Variants in NUCB1 observed in about 807,000 individuals in gnomAD.
The protein encoded by NUCB1 is nucleobindin 1, also known as nucleobindin-1.
Under a neutral mutation model 61.2 loss-of-function variants are expected in NUCB1, and 47 were observed. The ratio of observed to expected loss-of-function variants is 0.77; its 90% CI spans 0.61 to 0.98. The LOEUF is 0.98. Among genes scored for constraint, NUCB1 ranks in the 50% least tolerant of loss-of-function variants. The probability of loss-of-function intolerance (pLI) is 0.00; values close to 1 mark genes in which losing one functional copy is unlikely to be tolerated. For missense variants in NUCB1, 583 were observed against 605.3 expected (o/e 0.96, Z 0.39); for synonymous variants, 234 against 243.1 (o/e 0.96, Z 0.35).
intron 7 of NUCB1, 91 bp downstream of exon 7, chr19:48,913,655 G>A: frequency 9.2e-7 from 1 of 1,092,818 alleles, no homozygotes; most frequent in African/African-American, 1.5e-5. Flanking sequence ...GTCTGTCCCA[G>A]GAGGGCTTAG....
At chr19:48,906,236 A>G (rs1395313014) in intron 4 of NUCB1, among the ~76,000 whole-genome samples, 10 of 151,908 alleles carry the variant, frequency 6.6e-5, no homozygotes, top group Admixed American at 6.6e-4. Flanking sequence ...GAAACCCCAT[A>G]TCTGCTAAAA....
intron 5 of NUCB1, 100 bp downstream of exon 5, chr19:48,911,352 G>T: frequency 1.3e-6 from 1 of 785,940 alleles, no homozygotes; most frequent in South Asian, 1.5e-5. Context: ...CATTCCTGCT[G>T]GTGTTCTCTG....
At chr19:48,921,006 C>T in intron 10 of NUCB1, 148 bp from the exon 11 acceptor site, 2 of 754,326 alleles carry the variant, frequency 2.7e-6, no homozygotes, top group South Asian at 4.0e-5. Context: ...TTATCCCACT[C>T]CCACCTCCCA....
chr19:48,909,986 T>C (rs563253213), intron 4 of NUCB1, among the ~76,000 whole-genome samples: 3 of 152,310 alleles, frequency 2.0e-5, no homozygotes, highest in East Asian at 1.9e-4. Context: ...GACTTCAACA[T>C]AGAAACTTAG....
chr19:48,917,431 C>A (rs938219050), intron 7 of NUCB1, among the ~76,000 whole-genome samples: 8 of 151,842 alleles, frequency 5.3e-5, no homozygotes, highest in African/African-American at 1.9e-4. Context: ...TCAAGTGATT[C>A]TTCCACCTCA....
intron 4 of NUCB1, among the ~76,000 whole-genome samples, chr19:48,909,217 A>G (rs947383872): frequency 2.7e-5 from 4 of 147,448 alleles, no homozygotes; most frequent in South Asian, 2.2e-4. Flanking sequence ...TTCTCCTTCC[A>G]TTATTATTTT....
At chr19:48,900,521 G>A in intron 1 of NUCB1, 149 bp downstream of exon 1, 1 of 540,824 alleles carries the variant, frequency 1.8e-6, no homozygotes, top group Non-Finnish European at 3.3e-6. Flanking sequence ...TCTTGGGTCT[G>A]GGGGAGGAGG....
intron 7 of NUCB1, 200 bp from the exon 8 acceptor site, chr19:48,918,526 C>G (rs2037565874): frequency 1.7e-6 from 1 of 604,290 alleles, no homozygotes; most frequent in Non-Finnish European, 3.0e-6. Context: ...CCATTCTCAA[C>G]CCCCTGGTCG....
At chr19:48,901,991 T>C (rs1180889964) in intron 2 of NUCB1, among the ~76,000 whole-genome samples, 1 of 152,192 alleles carries the variant, frequency 6.6e-6, no homozygotes, top group Non-Finnish European at 1.5e-5. Context: ...TGCATAGTTG[T>C]TAGGGCCCAG....
At chr19:48,909,907 C>G (rs1318617175) in intron 4 of NUCB1, among the ~76,000 whole-genome samples, 4 of 152,024 alleles carry the variant, frequency 2.6e-5, no homozygotes, top group Non-Finnish European at 4.4e-5. Context: ...ATGACCTCAT[C>G]TTAACCTGAT....
At chr19:48,922,083 C>T in intron 12 of NUCB1, 151 bp downstream of exon 12, 1 of 717,054 alleles carries the variant, frequency 1.4e-6, no homozygotes, top group Non-Finnish European at 2.3e-6. Flanking sequence ...GGGGTCCGGA[C>T]TCCTGGGTCT....
In NUCB1 at chr19:48,905,746, C is replaced by G. The variant is rs1223620535; in HGVS notation, c.244-7C>G. The G allele has an allele frequency of 6.2e-7, 1 of 1,614,032 alleles. No individual in the cohort carries two copies. The highest frequency in any genetic ancestry group is 8.5e-7 in the Non-Finnish European group (1 of 1,180,034). On this transcript the variant is annotated splice_region_variant and splice_polypyrimidine_tract_variant and intron_variant, in intron 3 of 12. Coordinates refer to ENST00000405315, the MANE Select transcript of NUCB1 (RefSeq NM_006184.6). Reference sequence around the variant, plus strand: ...CCCAGGCTGACCAGGGTCTCCTCTCCTGTCAGAGCGGGAAGCTGAGCCGAG... The same window carrying G: ...CCCAGGCTGACCAGGGTCTCCTCTCGTGTCAGAGCGGGAAGCTGAGCCGAG...
chr19:48,917,091 C>T (rs142029495), intron 7 of NUCB1, among the ~76,000 whole-genome samples: 4 of 151,780 alleles, frequency 2.6e-5, no homozygotes, highest in African/African-American at 9.7e-5. Flanking sequence ...GGTGTGGTGG[C>T]GTGCATCTGT....
chr19:48,905,669 T>G, intron 3 of NUCB1, 84 bp from the exon 4 acceptor site: 1 of 1,528,994 alleles, frequency 6.5e-7, no homozygotes. Context: ...AGTATAAGAC[T>G]GGGGCATGAG....
intron 4 of NUCB1, among the ~76,000 whole-genome samples, chr19:48,906,842 C>T (rs1315220465): frequency 6.6e-6 from 1 of 152,174 alleles, no homozygotes; most frequent in African/African-American, 2.4e-5. Flanking sequence ...TGCTTTGTCA[C>T]TCACGTTTGG....
At chr19:48,904,502 G>A in intron 3 of NUCB1, 48 bp downstream of exon 3, 5 of 1,205,268 alleles carry the variant, frequency 4.1e-6, no homozygotes, top group Admixed American at 1.9e-5. Flanking sequence ...TGCTGGGAGG[G>A]CAGAGTTCAG....
intron 10 of NUCB1, among the ~76,000 whole-genome samples, chr19:48,919,492 T>TTTAA (rs1375978123): frequency 2.5e-4 from 37 of 150,992 alleles, no homozygotes; most frequent in African/African-American, 8.5e-4. Flanking sequence ...TATTTATTTA[T>TTTAA]TCTGAGACGG....
At chr19:48,922,159 G>A (rs1318267665) in intron 12 of NUCB1, among the ~76,000 whole-genome samples, 159 bp from the exon 13 acceptor site, 1 of 129,862 alleles carries the variant, frequency 7.7e-6, no homozygotes, top group East Asian at 2.1e-4. Context: ...ACCCCTGGGT[G>A]TGAGTGAGGA....
intron 4 of NUCB1, 54 bp downstream of exon 4, chr19:48,905,939 C>T: frequency 7.1e-7 from 1 of 1,410,292 alleles, no homozygotes; most frequent in Middle Eastern, 2.2e-4. Flanking sequence ...GAAGGGTGGC[C>T]TCACTCCCGG....
Sources: gnomAD v4.1 joint callset for allele counts (sites outside exome capture counted in the v4.1 genomes callset) on GRCh38, gnomAD v4.1.1 for gene constraint, MANE v1.5 for transcripts, NCBI Gene and HGNC (gene_info 2026-07-23, HGNC 2026-07-21) for gene names.